The following GALNT4 variants were observed in gnomAD, a reference collection of about 807,000 sequenced individuals.
GALNT4 encodes UDP-GalNAc:polypeptide N-acetylgalactosaminyltransferase 4.
GALNT4 carries 23 observed loss-of-function variants against 45.1 expected under a neutral mutation model. The ratio of observed to expected loss-of-function variants is 0.51; its 90% CI spans 0.37 to 0.72. GALNT4 has a LOEUF of 0.72. Ranked by LOEUF, GALNT4 falls within the 30% of genes least tolerant of loss-of-function variation. The pLI is 0.00. For missense variants in GALNT4, 757 were observed against 709.0 expected (o/e 1.07, Z -0.77); for synonymous variants, 264 against 257.6 (o/e 1.02, Z -0.24).
Position 89,523,734 on chromosome 12 carries a change from C to T in GALNT4, c.816G>A (p.Glu272=), listed in dbSNP as rs1871141623. The T allele has an allele frequency of 6.5e-7, 1 of 1,547,710 alleles. No homozygotes were observed. The highest frequency in any genetic ancestry group is 8.7e-7 in the Non-Finnish European group (1 of 1,154,638). Residue 272 remains glutamate (E), a synonymous_variant, in exon 1 of 1, where the codon GAG becomes GAA. Transcript: ENST00000529983. ...GCCAGTCAAACCCACCAATCATGGG[C>T]TCCCCTATCTGCATATAGAATTCAA... ...NTFEFYMQIG[E]PMIGGFDWRL... is the part of the protein sequence containing the mutation.
Position 89,523,398 on chromosome 12 carries a change from T to G in GALNT4, c.1152A>C (p.Glu384Asp), listed in dbSNP as rs1871100132. The change falls in exon 1 of 1, where the codon GAA becomes GAC. Residue 384 changes from glutamate (E) to aspartate (D), a missense_variant. Coordinates refer to ENST00000529983, the MANE Select transcript of GALNT4 (RefSeq NM_003774.5). ...GCTCTTTGTATTCATCCATCCAAAC[T>G]TCTGCTGCCCGAGCAGTATTCTGTA... is the stretch of plus-strand genomic sequence containing the variant. ...NFLQNTARAA[E>D]VWMDEYKEHF... 6.2e-7 allele frequency: 1 copy of G among 1,613,956 alleles called. No individual in the cohort carries two copies.
At position 89,524,437 on chromosome 12, in the gene GALNT4, G is replaced by C. The variant is rs1234600468; in HGVS notation, c.113C>G (p.Ala38Gly). The change falls in exon 1 of 1, where the codon GCC becomes GGC. Residue 38 changes from alanine (A) to glycine (G), a missense_variant. Physicochemically the swap from Ala to Gly is moderately conservative, Grantham distance 60. Coordinates refer to ENST00000529983, the MANE Select transcript of GALNT4 (RefSeq NM_003774.5). ...LVSTFHASAG[A>G]GRARELGSRR... ...TGACCCCAGCTCCCTGGCACGGCCG[G>C]CTCCTGCGGAGGCATGAAAAGTAGA... is the stretch of plus-strand genomic sequence containing the variant. 6.2e-7 allele frequency: 1 copy of C among 1,613,930 alleles called. No individual in the cohort carries two copies. Among genetic ancestry groups the C allele is most frequent in the African/African-American group, 1.3e-5 (1 of 75,038 alleles).
rs1167909017 is a variant in GALNT4 at position 89,523,026 on chromosome 12, C to T, written c.1524G>A (p.Glu508=). The T allele has an allele frequency of 1.9e-6, 3 of 1,613,500 alleles. No individual in the cohort carries two copies. The highest frequency in any genetic ancestry group is 2.5e-6 in the Non-Finnish European group (3 of 1,179,734). The stretch of plus-strand genomic sequence containing the variant: ...TTTGCATTCCCACATAATTTTTTTG[C>T]TCAGGTACCTCTGCACATAACTCTG... The part of the protein sequence containing the change: ...SVTELCAEVP[E]QKNYVGMQNC... Residue 508 remains glutamate, a synonymous_variant, in exon 1 of 1, where the codon GAG becomes GAA. Coordinates refer to ENST00000529983, the MANE Select transcript of GALNT4 (RefSeq NM_003774.5).
Position 89,520,039 on chromosome 12 carries a change from TAC to T in GALNT4, c.*2772_*2773del, listed in dbSNP as rs963186813. The T allele has an allele frequency of 1.1e-4, 16 of 152,200 alleles. No individual in the cohort carries two copies. The highest frequency in any genetic ancestry group is 1.9e-4 in the Non-Finnish European group (13 of 68,012). 9.4% of individuals were successfully genotyped at this position (152,200 alleles called of 1,614,324 possible). ...GAATCGGTTTTTTTAGATGTAGAAT[TAC>T]AGAGTATTTTTGGAATTAAATTGGA... On this transcript the variant is annotated 3_prime_UTR_variant, in exon 1 of 1. Transcript: ENST00000529983.
At position 89,523,764 on chromosome 12, in the gene GALNT4, A is replaced by T. The variant is rs188465081; in HGVS notation, c.786T>A (p.Asn262Lys). The change falls in exon 1 of 1, where the codon AAT (asparagine) becomes AAA (lysine). Residue 262 changes from asparagine (N) to lysine (K), a missense_variant. Transcript: ENST00000529983. ...VCPVIDTIDW[N>K]TFEFYMQIGE... ...CTATCTGCATATAGAATTCAAAAGT[A>T]TTCCAATCAATTGTGTCTATAACAG... The T allele has an allele frequency of 3.4e-3, 5,217 of 1,539,628 alleles. 19 individuals are homozygous for T. Among genetic ancestry groups the T allele is most frequent in the Non-Finnish European group, 3.3e-3 (3,748 of 1,149,704 alleles).
Position 89,524,072 on chromosome 12 carries a change from C to T in GALNT4, c.478G>A (p.Glu160Lys), listed in dbSNP as rs1294078493. 1 of 1,613,832 alleles carries T rather than the reference C, an allele frequency of 6.2e-7. No individual in the cohort carries two copies. The highest frequency in any genetic ancestry group is 1.7e-5 in the Admixed American group (1 of 59,992). ...TTCAAAAGAACTGCAGGAGAAGTTT[C>T]TAAAACACTGTGAATGGTACGGAGC... Reference protein sequence around the residue: ...TLLRTIHSVLETSPAVLLKEI... With the variant: ...TLLRTIHSVLKTSPAVLLKEI... The change falls in exon 1 of 1, where the codon GAA becomes AAA. Residue 160 changes from glutamate (E) to lysine (K), a missense_variant. Glu to Lys is a moderately conservative substitution (Grantham distance 56). Coordinates refer to ENST00000529983, the MANE Select transcript of GALNT4 (RefSeq NM_003774.5).
chr12:89,520,361 CA>C lies in GALNT4; in HGVS notation c.*2451del, dbSNP rs1431564510. On this transcript the variant is annotated 3_prime_UTR_variant, in exon 1 of 1. Coordinates refer to ENST00000529983, the MANE Select transcript of GALNT4 (RefSeq NM_003774.5). The stretch of plus-strand genomic sequence containing the variant: ...TAACAATTTTCGTTCTCCCATATAA[CA>C]GGTGGCTAACAAGAAAACCAAAAAT... 3.3e-5 allele frequency: 5 copies of C among 151,822 alleles called. No homozygotes were observed. Among genetic ancestry groups the C allele is most frequent in the South Asian group, 2.1e-4 (1 of 4,812 alleles). The allele number at this position is 151,822 out of a possible 1,614,324, so 9.4% of individuals were successfully genotyped here. A position where few individuals can be genotyped will look rare whatever the true frequency, so the allele number is the denominator to read the frequency against.
At position 89,524,483 on chromosome 12, in the gene GALNT4, T is replaced by C. The variant is rs772244715; in HGVS notation, c.67A>G (p.Ile23Val). ...GTAGAGACCAAGAGCTCCACGAAGATATAGGCCACTGTTAAAAACGCCAGC... is the reference window on the plus strand; with the variant it reads ...GTAGAGACCAAGAGCTCCACGAAGACATAGGCCACTGTTAAAAACGCCAGC... ...LLLAFLTVAYIFVELLVSTFH... is the reference protein window; with the variant it reads ...LLLAFLTVAYVFVELLVSTFH... Residue 23 changes from isoleucine to valine, a missense_variant, in exon 1 of 1, where the codon ATC becomes GTC. Physicochemically the swap from Ile to Val is conservative, Grantham distance 29. Coordinates refer to ENST00000529983, the MANE Select transcript of GALNT4 (RefSeq NM_003774.5). 7 of 1,613,228 alleles carry C rather than the reference T, an allele frequency of 4.3e-6. No individual in the cohort carries two copies. Among genetic ancestry groups the C allele is most frequent in the Admixed American group, 3.3e-5 (2 of 60,006 alleles).
In GALNT4 at chr12:89,524,545, G is replaced by A. The variant is rs201726968; in HGVS notation, c.5C>T (p.Ala2Val). The A allele has an allele frequency of 3.0e-5, 49 of 1,611,026 alleles. No homozygotes were observed. Among genetic ancestry groups the A allele is most frequent in the Middle Eastern group, 2.2e-4 (1 of 4,624 alleles). M[A>V]VRWTWAGKSC... is the part of the protein sequence containing the mutation. ...CTTGCCTGCCCAAGTCCACCTCACC[G>A]CCATCCGGATTCTCAGGGCTGAGGC... Residue 2 changes from alanine (A) to valine (V), a missense_variant, in exon 1 of 1, where the codon GCG becomes GTG. Physicochemically the swap from Ala to Val is moderately conservative, Grantham distance 64 (BLOSUM62 0). Coordinates refer to ENST00000529983, the MANE Select transcript of GALNT4 (RefSeq NM_003774.5).
chr12:89,522,205 A>G lies in GALNT4; in HGVS notation c.*608T>C. 2.5e-6 allele frequency: 1 copy of G among 398,676 alleles called. No individual in the cohort carries two copies. The highest frequency in any genetic ancestry group is 4.4e-6 in the Non-Finnish European group (1 of 226,044). The allele number at this position is 398,676 out of a possible 1,614,324, so 24.7% of individuals were successfully genotyped here. ...TTCATTTAAATATGGGTATGTCTGC[A>G]TGTTAAAAAGGCCTCCAAACTCACA... On this transcript the variant is annotated 3_prime_UTR_variant, in exon 1 of 1. Coordinates refer to ENST00000529983, the MANE Select transcript of GALNT4 (RefSeq NM_003774.5).
rs1434257789 is a variant in GALNT4, at chr12:89,524,458, G to C, written c.92C>G (p.Thr31Ser). ...AYIFVELLVS[T>S]FHASAGAGRA... is the part of the protein sequence containing the mutation. ...GCCGGCTCCTGCGGAGGCATGAAAA[G>C]TAGAGACCAAGAGCTCCACGAAGAT... The change falls in exon 1 of 1, where the codon ACT becomes AGT. Residue 31 changes from threonine (T) to serine (S), a missense_variant. Coordinates refer to ENST00000529983, the MANE Select transcript of GALNT4 (RefSeq NM_003774.5). The C allele has an allele frequency of 6.2e-7, 1 of 1,613,732 alleles. No homozygotes were observed. The highest frequency in any genetic ancestry group is 8.5e-7 in the Non-Finnish European group (1 of 1,179,900).
In GALNT4 at chr12:89,523,143, AC is replaced by A. The variant is rs1871056475; in HGVS notation, c.1406del (p.Gly469ValfsTer26). On this transcript the variant is annotated frameshift_variant, in exon 1 of 1. Transcript: ENST00000529983. LOFTEE classifies it high-confidence loss of function. Reference sequence around the variant, plus strand: ...GGCATCCAAACAGTGAAAGGTTAGCACCTGTGGGGTTGTTGTCAGGAGAATT... The same window carrying A: ...GGCATCCAAACAGTGAAAGGTTAGCACTGTGGGGTTGTTGTCAGGAGAATT... ...DYNSPDNNPTGANLSLFGCHG... is the reference protein window; with the variant it reads ...DYNSPDNNPTXANLSLFGCHG... The A allele has an allele frequency of 4.3e-6, 7 of 1,613,782 alleles. No homozygotes were observed. Among genetic ancestry groups the A allele is most frequent in the Non-Finnish European group, 4.2e-6 (5 of 1,179,704 alleles).
At position 89,522,106 on chromosome 12, in the gene GALNT4, G is replaced by A; in HGVS notation, c.*707C>T. The A allele has an allele frequency of 2.5e-6, 1 of 398,994 alleles. No individual in the cohort carries two copies. Among genetic ancestry groups the A allele is most frequent in the Non-Finnish European group, 4.4e-6 (1 of 226,054 alleles). 24.7% of individuals were successfully genotyped at this position (398,994 alleles called of 1,614,324 possible). On this transcript the variant is annotated 3_prime_UTR_variant, in exon 1 of 1. Transcript: ENST00000529983. ...ACAGCTTACAAAATCAGAGGAATCT[G>A]AGGTATTAATATATACATCAGTGAA...
chr12:89,522,755 A>T lies in GALNT4; in HGVS notation c.*58T>A. On this transcript the variant is annotated 3_prime_UTR_variant, in exon 1 of 1. Transcript: ENST00000529983. ...AAATACAATCTTCACTGAGGCTCTT[A>T]AGGCTCTTTGACTTTCTTGACACTA... 6.6e-7 allele frequency: 1 copy of T among 1,516,930 alleles called. No individual in the cohort carries two copies. Among genetic ancestry groups the T allele is most frequent in the Non-Finnish European group, 8.8e-7 (1 of 1,135,902 alleles). The allele number at this position is 1,516,930 out of a possible 1,614,324, so 94.0% of individuals were successfully genotyped here. A position where few individuals can be genotyped will look rare whatever the true frequency, so the allele number is the denominator to read the frequency against.
rs1205319781 is a variant in GALNT4 at position 89,522,890 on chromosome 12, G to A, written c.1660C>T (p.Pro554Ser). Reference sequence around the variant, plus strand: ...ATTTGTACATCAGGTCGGCCCTCCGGTGTCCGATAAGCACTAAGACACAGT... The same window carrying A: ...ATTTGTACATCAGGTCGGCCCTCCGATGTCCGATAAGCACTAAGACACAGT... The part of the protein sequence containing the change: ...SGLCLSAYRT[P>S]EGRPDVQMRT... Residue 554 changes from proline to serine, a missense_variant, in exon 1 of 1, where the codon CCG becomes TCG. Physicochemically the swap from Pro to Ser is moderately conservative, Grantham distance 74. Coordinates refer to ENST00000529983, the MANE Select transcript of GALNT4 (RefSeq NM_003774.5). The A allele has an allele frequency of 1.2e-6, 2 of 1,613,556 alleles. No individual in the cohort carries two copies. The highest frequency in any genetic ancestry group is 1.7e-5 in the Admixed American group (1 of 59,926).
Position 89,524,352 on chromosome 12 carries a change from C to A in GALNT4, c.198G>T (p.Lys66Asn), listed in dbSNP as rs1240154908. 4 of 1,613,894 alleles carry A rather than the reference C, an allele frequency of 2.5e-6. No individual in the cohort carries two copies. The South Asian group carries it at 4.4e-5, about 18-fold the overall frequency. ...TEDLSRPLYK[K>N]PPADSRALGE... ...CAAGTGCACGGGAATCTGCAGGGGG[C>A]TTCTTATAAAGCGGTCGAGACAAAT... Residue 66 changes from lysine (K) to asparagine (N), a missense_variant, in exon 1 of 1, where the codon AAG (lysine) becomes AAT (asparagine). Lys to Asn is a moderately conservative substitution (Grantham distance 94). Transcript: ENST00000529983.
In GALNT4 at chr12:89,524,012, CT is replaced by C. The variant is rs1406263719; in HGVS notation, c.537del (p.Val180PhefsTer3). On this transcript the variant is annotated frameshift_variant, in exon 1 of 1. Coordinates refer to ENST00000529983, the MANE Select transcript of GALNT4 (RefSeq NM_003774.5). LOFTEE classifies it high-confidence loss of function. ...GTTTCAAGTTGTGTCTTCAAATAAA[CT>C]CTGTCACTCAAGTCATCCACCAAGA... is the stretch of plus-strand genomic sequence containing the variant. ...EIILVDDLSD[R>X]VYLKTQLETY... 3.1e-6 allele frequency: 5 copies of C among 1,613,572 alleles called. No homozygotes were observed. The highest frequency in any genetic ancestry group is 4.2e-6 in the Non-Finnish European group (5 of 1,179,732).
chr12:89,524,684 G>T lies in GALNT4; in HGVS notation c.-135C>A. The T allele has an allele frequency of 3.2e-6, 3 of 939,534 alleles. No homozygotes were observed. Among genetic ancestry groups the T allele is most frequent in the Non-Finnish European group, 4.8e-6 (3 of 627,674 alleles). 58.2% of individuals were successfully genotyped at this position (939,534 alleles called of 1,614,324 possible). A position where few individuals can be genotyped will look rare whatever the true frequency, so the allele number is the denominator to read the frequency against. ...CATGCAGGCGCTAGGCTCCTTTCCA[G>T]CCACCCAGGCTTTCCAGGGGTCACC... On this transcript the variant is annotated 5_prime_UTR_variant, in exon 1 of 1. It adds an upstream start codon to the 5' untranslated region. Transcript: ENST00000529983.
At position 89,524,034 on chromosome 12, in the gene GALNT4, C is replaced by T. The variant is rs1300759943; in HGVS notation, c.516G>A (p.Leu172=). ...AAACTCTGTCACTCAAGTCATCCACCAAGATGATCTCTTTCAAAAGAACTG... is the reference window on the plus strand; with the variant it reads ...AAACTCTGTCACTCAAGTCATCCACTAAGATGATCTCTTTCAAAAGAACTG... ...SPAVLLKEII[L]VDDLSDRVYL... is the part of the protein sequence containing the mutation. Residue 172 remains leucine (L), a synonymous_variant, in exon 1 of 1, where the codon TTG becomes TTA. Transcript: ENST00000529983. 6.2e-7 allele frequency: 1 copy of T among 1,613,472 alleles called. No homozygotes were observed. The highest frequency in any genetic ancestry group is 8.5e-7 in the Non-Finnish European group (1 of 1,179,684).
Sources: gnomAD v4.1 joint callset for allele counts on GRCh38, gnomAD v4.1.1 for gene constraint, MANE v1.5 for transcripts, NCBI Gene and HGNC (gene_info 2026-07-23, HGNC 2026-07-21) for gene names.